SORCS3: variants seen among roughly 807,000 people sequenced by gnomAD.
SORCS3 encodes VPS10 domain-containing receptor SorCS3.
SORCS3 carries 57 observed loss-of-function variants against 146.3 expected under a neutral mutation model. That is an observed-to-expected ratio of 0.39 (90% confidence interval 0.31 to 0.49). The LOEUF is 0.49. Ranked by LOEUF, SORCS3 falls within the 20% of genes least tolerant of loss-of-function variation. The pLI, the probability that SORCS3 is intolerant of heterozygous loss-of-function variation, is 0.92. For missense variants in SORCS3, 1,341 were observed against 1,575.5 expected (o/e 0.85, Z 2.52); for synonymous variants, 653 against 618.5 (o/e 1.06, Z -0.83).
At chr10:104,829,183 A>T (rs1471946132) in intron 1 of SORCS3, among the ~76,000 whole-genome samples, 1 of 152,246 alleles carries the variant, frequency 6.6e-6, no homozygotes, top group African/African-American at 2.4e-5. Flanking sequence ...TAGTACAATG[A>T]TGAGAAAATC....
chr10:104,847,580 A>G (rs961086467), intron 2 of SORCS3, among the ~76,000 whole-genome samples: 7 of 152,182 alleles, frequency 4.6e-5, no homozygotes, highest in Admixed American at 4.6e-4. Flanking sequence ...CCACAGGTGC[A>G]AGGTGTCCAC....
chr10:104,769,958 G>A (rs961569251), intron 1 of SORCS3, among the ~76,000 whole-genome samples: 5 of 152,116 alleles, frequency 3.3e-5, no homozygotes, highest in African/African-American at 9.7e-5. Context: ...TTGGCTGCCC[G>A]AGAGCGAAAC....
rs1177108476 is a variant in SORCS3, at chr10:105,033,164, G to T, written c.955-9891G>T. On this transcript the variant is annotated intron_variant, in intron 4 of 26. Coordinates refer to ENST00000369701, the MANE Select transcript of SORCS3 (RefSeq NM_014978.3). ...AGAGGATAAAAGGAATTGTGGAAATGATTTGTAAATAAAGGTGCTAGATAA... is the reference window on the plus strand; with the variant it reads ...AGAGGATAAAAGGAATTGTGGAAATTATTTGTAAATAAAGGTGCTAGATAA... Among the ~76,000 whole-genome samples, 15 of 152,288 alleles carry T rather than the reference G, an allele frequency of 9.8e-5. No individual in the cohort carries two copies. The South Asian group carries it at 3.1e-3, about 32-fold the overall frequency.
At chr10:104,863,794 T>G (rs887721789) in intron 2 of SORCS3, among the ~76,000 whole-genome samples, 2 of 152,204 alleles carry the variant, frequency 1.3e-5, no homozygotes, top group African/African-American at 4.8e-5. Flanking sequence ...TAGCATATCT[T>G]ACATCACAGC....
chr10:104,967,919 CA>C (rs771778629), intron 3 of SORCS3, among the ~76,000 whole-genome samples: 2 of 151,960 alleles, frequency 1.3e-5, no homozygotes, highest in Non-Finnish European at 2.9e-5. Flanking sequence ...CTCAGGCTCC[CA>C]AAATGCTGGG....
chr10:105,115,632 G>A (rs767734377), intron 7 of SORCS3, among the ~76,000 whole-genome samples: 1 of 152,060 alleles, frequency 6.6e-6, no homozygotes, highest in Non-Finnish European at 1.5e-5. Flanking sequence ...GACTGTTTTT[G>A]CATCTTGGTC....
intron 1 of SORCS3, among the ~76,000 whole-genome samples, chr10:104,715,654 T>C (rs1801404748): frequency 6.6e-6 from 1 of 152,196 alleles, no homozygotes; most frequent in African/African-American, 2.4e-5. Context: ...TGTTTTTGAA[T>C]CTCATTGTTT....
At chr10:105,118,615 G>GT (rs1183008755) in intron 7 of SORCS3, among the ~76,000 whole-genome samples, 3 of 152,162 alleles carry the variant, frequency 2.0e-5, no homozygotes, top group Non-Finnish European at 4.4e-5. Context: ...CTAGAGACTT[G>GT]TGGAATGGCT....
At chr10:105,025,640 G>A (rs547592285) in intron 4 of SORCS3, among the ~76,000 whole-genome samples, 6 of 152,022 alleles carry the variant, frequency 3.9e-5, no homozygotes, top group South Asian at 2.1e-4. Flanking sequence ...TTCTAGCTTC[G>A]GAACTTGTAT....
chr10:104,756,105 C>T (rs1221825288), intron 1 of SORCS3, among the ~76,000 whole-genome samples: 3 of 152,138 alleles, frequency 2.0e-5, no homozygotes, highest in African/African-American at 7.2e-5. Context: ...GCTCCTCATC[C>T]ATGTGGTTAG....
At chr10:104,985,430 C>G (rs1293802815) in intron 4 of SORCS3, among the ~76,000 whole-genome samples, 1 of 152,112 alleles carries the variant, frequency 6.6e-6, no homozygotes, top group Non-Finnish European at 1.5e-5. Context: ...AGTTACTTCC[C>G]CCACTGAAGT....
chr10:105,013,538 A>G (rs1468478559), intron 4 of SORCS3, among the ~76,000 whole-genome samples: 1 of 152,190 alleles, frequency 6.6e-6, no homozygotes, highest in Non-Finnish European at 1.5e-5. Context: ...TTTATTCCCC[A>G]GCAATAATGA....
chr10:104,811,764 T>G (rs139331752), intron 1 of SORCS3, among the ~76,000 whole-genome samples: 1 of 152,266 alleles, frequency 6.6e-6, no homozygotes, highest in East Asian at 1.9e-4. Context: ...GGCAGCCAGA[T>G]AGCAGACAGC....
intron 3 of SORCS3, among the ~76,000 whole-genome samples, chr10:104,918,416 A>G (rs1040118659): frequency 3.9e-5 from 6 of 152,242 alleles, no homozygotes; most frequent in Non-Finnish European, 7.3e-5. Flanking sequence ...CATCTTTTGC[A>G]GCTTTTCTTC....
At chr10:105,241,878 G>A (rs907930040) in intron 20 of SORCS3, among the ~76,000 whole-genome samples, 1 of 152,160 alleles carries the variant, frequency 6.6e-6, no homozygotes, top group Non-Finnish European at 1.5e-5. Flanking sequence ...GGGCATGACA[G>A]TGTAGAAAAC....
In SORCS3 at chr10:104,807,757, C is replaced by G. The variant is rs1016134384; in HGVS notation, c.628-35035C>G. 3.9e-5 allele frequency among the ~76,000 whole-genome samples: 6 copies of G among 152,326 alleles called. No individual in the cohort carries two copies. In the Middle Eastern group the frequency reaches 0.02, roughly 518 times the overall value. On this transcript the variant is annotated intron_variant, in intron 1 of 26. Transcript: ENST00000369701. Reference sequence around the variant, plus strand: ...TCTGTGGCTTCCAACACTTGCTGCTCTCCCAGCTTGTAACAGATGGATTTA... The same window carrying G: ...TCTGTGGCTTCCAACACTTGCTGCTGTCCCAGCTTGTAACAGATGGATTTA...
chr10:104,791,442 TATTGCCTGTGTTTAACAG>T (rs2017494619), intron 1 of SORCS3, among the ~76,000 whole-genome samples: 1 of 152,178 alleles, frequency 6.6e-6, no homozygotes, highest in Non-Finnish European at 1.5e-5. Context: ...GCAAGTAAGA[TATTGCCTGTGTTTAACAG>T]ATGACTTAAA....
intron 16 of SORCS3, among the ~76,000 whole-genome samples, chr10:105,207,805 C>T (rs2056611723): frequency 6.6e-6 from 1 of 152,166 alleles, no homozygotes; most frequent in East Asian, 1.9e-4. Flanking sequence ...TACTGCATTG[C>T]TGACAGGTAG....
chr10:105,092,044 G>C (rs964963420), intron 6 of SORCS3, among the ~76,000 whole-genome samples: 2 of 152,254 alleles, frequency 1.3e-5, no homozygotes, highest in Middle Eastern at 3.4e-3. Context: ...CTCAGGCTTC[G>C]TGAGCTCAGG....
Sources: allele counts gnomAD v4.1 joint callset (sites outside exome capture counted in the v4.1 genomes callset), GRCh38; gene constraint gnomAD v4.1.1; transcripts MANE v1.5; gene names NCBI Gene and HGNC (gene_info 2026-07-23, HGNC 2026-07-21).